The following DENND5B variants were observed in gnomAD, a reference collection of about 807,000 sequenced individuals.
DENND5B encodes DENN domain-containing protein 5B.
DENND5B carries 34 observed loss-of-function variants against 140.6 expected under a neutral mutation model. The observed-to-expected ratio is 0.24, with a 90% confidence interval of 0.18 to 0.32. The LOEUF (loss-of-function observed/expected upper bound fraction) is 0.32. Among genes scored for constraint, DENND5B ranks in the 10% least tolerant of loss-of-function variants. The probability of loss-of-function intolerance (pLI) is 1.00; values close to 1 mark genes in which losing one functional copy is unlikely to be tolerated. For synonymous variants in DENND5B, 551 were observed against 562.1 expected (o/e 0.98, Z 0.28); for missense variants, 1,142 against 1,560.2 (o/e 0.73, Z 4.52).
chr12:31,428,272 G>A (rs1943338033), intron 8 of DENND5B, among the ~76,000 whole-genome samples: 1 of 151,434 alleles, frequency 6.6e-6, no homozygotes, highest in Non-Finnish European at 1.5e-5. Context: ...AACCTGGGAG[G>A]CGGACGTTGC....
chr12:31,397,605 T>C (rs968324125), intron 17 of DENND5B, among the ~76,000 whole-genome samples: 3 of 133,042 alleles, frequency 2.3e-5, no homozygotes, highest in Admixed American at 1.5e-4. Flanking sequence ...AGTACTGTAA[T>C]ATATAACTAT....
chr12:31,517,933 T>A (rs1238613851), intron 1 of DENND5B, among the ~76,000 whole-genome samples: 1 of 152,250 alleles, frequency 6.6e-6, no homozygotes, highest in Admixed American at 6.5e-5. Flanking sequence ...CCTGCAGCTA[T>A]GTACTCTTGC....
intron 1 of DENND5B, among the ~76,000 whole-genome samples, chr12:31,551,497 G>A (rs1361755019): frequency 2.6e-5 from 4 of 152,316 alleles, no homozygotes; most frequent in Middle Eastern, 6.8e-3. Context: ...CAGGTAGCGT[G>A]ATGCCTCCAG....
chr12:31,570,317 C>T (rs532697869), intron 1 of DENND5B, among the ~76,000 whole-genome samples: 2 of 150,212 alleles, frequency 1.3e-5, no homozygotes, highest in Non-Finnish European at 3.0e-5. Context: ...CACTCTGTTG[C>T]CCAGGCTGGA....
At position 31,460,296 on chromosome 12, in the gene DENND5B, T is replaced by G; in HGVS notation, c.990A>C (p.Leu330=). The change falls in exon 4 of 21, where the codon CTA becomes CTC. Residue 330 remains leucine, a synonymous_variant. Transcript: ENST00000389082. ...FQWQHVYVPI[L]PASLLHFLDA... ...CAAGAAAATGTAGCAGAGAAGCAGG[T>G]AGAATGGGCACATAAACATGTTGCC... 6.2e-7 allele frequency: 1 copy of G among 1,613,900 alleles called. No homozygotes were observed. The highest frequency in any genetic ancestry group is 8.5e-7 in the Non-Finnish European group (1 of 1,179,876).
rs1042217796 is a variant in DENND5B at position 31,399,569 on chromosome 12, G to T, written c.3068+85C>A. 78 of 1,118,190 alleles carry T rather than the reference G, an allele frequency of 7.0e-5. No homozygotes were observed. The African/African-American group carries it at 1.0e-3, about 15-fold the overall frequency. The allele number at this position is 1,118,190 out of a possible 1,614,324, so 69.3% of individuals were successfully genotyped here. ...GCTGGGATTATAGGTGTGAGCCACT[G>T]TGCCTGGCCTACAATTCTTAAACCT... is the stretch of plus-strand genomic sequence containing the variant. On this transcript the variant is annotated intron_variant, in intron 16 of 20. Transcript: ENST00000389082.
At chr12:31,554,587 T>C (rs1210317337) in intron 1 of DENND5B, among the ~76,000 whole-genome samples, 3 of 152,206 alleles carry the variant, frequency 2.0e-5, no homozygotes, top group African/African-American at 7.2e-5. Flanking sequence ...TCCTCTGTAT[T>C]TCCTGAATTT....
At chr12:31,400,846 T>G (rs541292117) in intron 15 of DENND5B, among the ~76,000 whole-genome samples, 26 of 24,582 alleles carry the variant, frequency 1.1e-3, no homozygotes, top group East Asian at 0.013. Flanking sequence ...AGTTTTTTTT[T>G]TTTGTTTTTT....
chr12:31,451,845 T>A, intron 5 of DENND5B, 95 bp downstream of exon 5: 1 of 1,398,224 alleles, frequency 7.2e-7, no homozygotes, highest in Non-Finnish European at 9.7e-7. Flanking sequence ...AATATATGGG[T>A]AAGCATAGGC....
chr12:31,425,001 T>C (rs1286669088), intron 9 of DENND5B, among the ~76,000 whole-genome samples: 3 of 152,180 alleles, frequency 2.0e-5, no homozygotes, highest in Non-Finnish European at 4.4e-5. Flanking sequence ...TATTGGGGAA[T>C]TACAGCAGAC....
Position 31,479,951 on chromosome 12 carries a change from A to G in DENND5B, c.542T>C (p.Ile181Thr). The change falls in exon 3 of 21, where the codon ATT (isoleucine) becomes ACT (threonine). Residue 181 changes from isoleucine to threonine, a missense_variant. Ile to Thr is a moderately conservative substitution (Grantham distance 89). Around this residue, in one of 5 missense-constraint regions of DENND5B, gnomAD observed 708 missense variants for 905.5 expected, o/e 0.78. Coordinates refer to ENST00000389082, the MANE Select transcript of DENND5B (RefSeq NM_144973.4). Reference protein sequence around the residue: ...LKLQRYNSYDISRDTLYVSKS... With the variant: ...LKLQRYNSYDTSRDTLYVSKS... ...TGAAACATACAGGGTGTCTCTGCTAATATCATAGGAGTTGTATCGCTGGAG... is the reference window on the plus strand; with the variant it reads ...TGAAACATACAGGGTGTCTCTGCTAGTATCATAGGAGTTGTATCGCTGGAG... 4 of 1,614,040 alleles carry G rather than the reference A, an allele frequency of 2.5e-6. No individual in the cohort carries two copies. The highest frequency in any genetic ancestry group is 3.4e-6 in the Non-Finnish European group (4 of 1,179,882).
chr12:31,486,208 C>T lies in DENND5B; in HGVS notation c.238-5953G>A, dbSNP rs144900211. 1.2e-4 allele frequency among the ~76,000 whole-genome samples: 18 copies of T among 152,250 alleles called. No homozygotes were observed. In the East Asian group the frequency reaches 3.1e-3, roughly 26 times the overall value. ...CAGGCTCTGCCCTCATGAAAGGATT[C>T]GTCCTTCTTATAAAAGGTTGAAGGG... On this transcript the variant is annotated intron_variant, in intron 2 of 20. Transcript: ENST00000389082.
chr12:31,448,603 G>A (rs1944375539), intron 5 of DENND5B, among the ~76,000 whole-genome samples: 1 of 152,200 alleles, frequency 6.6e-6, no homozygotes, highest in African/African-American at 2.4e-5. Context: ...TTAAGTGAAT[G>A]CTTTTCTAGA....
At chr12:31,427,040 AG>A (rs1943270266) in intron 8 of DENND5B, among the ~76,000 whole-genome samples, 1 of 152,110 alleles carries the variant, frequency 6.6e-6, no homozygotes, top group Non-Finnish European at 1.5e-5. Flanking sequence ...CCTCCCCAAA[AG>A]GCTATAGGAT....
At chr12:31,424,503 G>A (rs372761592) in intron 10 of DENND5B, 32 bp downstream of exon 10, 1 of 1,584,854 alleles carries the variant, frequency 6.3e-7, no homozygotes, top group Non-Finnish European at 8.6e-7. Context: ...CTCTTAACTG[G>A]CCATGTCACC....
intron 1 of DENND5B, among the ~76,000 whole-genome samples, chr12:31,501,191 T>C (rs1398839797): frequency 3.3e-5 from 5 of 152,128 alleles, no homozygotes; most frequent in Non-Finnish European, 7.3e-5. Flanking sequence ...AATTATGGGG[T>C]TGGTTACCTC....
Position 31,590,950 on chromosome 12 carries a change from CCCA to C in DENND5B, c.-121_-119del. On this transcript the variant is annotated 5_prime_UTR_variant, in exon 1 of 21. An upstream start codon of the reference 5' UTR is lost. Coordinates refer to ENST00000389082, the MANE Select transcript of DENND5B (RefSeq NM_144973.4). ...CCCGCCCTAGGGCGACACTGGCGCG[CCCA>C]TGGCCGCGCAGCCGCCTCTCGCCGC... 1 of 1,077,562 alleles carries C rather than the reference CCCA, an allele frequency of 9.3e-7. No homozygotes were observed. Among genetic ancestry groups the C allele is most frequent in the Non-Finnish European group, 1.1e-6 (1 of 881,838 alleles). 66.8% of individuals were successfully genotyped at this position (1,077,562 alleles called of 1,614,324 possible). A position where few individuals can be genotyped will look rare whatever the true frequency, so the allele number is the denominator to read the frequency against.
chr12:31,461,639 T>C (rs1945025263), intron 3 of DENND5B, among the ~76,000 whole-genome samples: 3 of 152,204 alleles, frequency 2.0e-5, no homozygotes, highest in Non-Finnish European at 2.9e-5. Flanking sequence ...GCAAACCATA[T>C]ATGTCCCAGT....
intron 7 of DENND5B, among the ~76,000 whole-genome samples, chr12:31,437,776 A>G (rs1482655522): frequency 1.3e-5 from 2 of 152,216 alleles, no homozygotes; most frequent in Non-Finnish European, 2.9e-5. Flanking sequence ...CAAATTTCTA[A>G]TAATATGAGA....
Sources: allele counts gnomAD v4.1 joint callset (sites outside exome capture counted in the v4.1 genomes callset), GRCh38; gene constraint gnomAD v4.1.1; regional missense constraint gnomAD v4.1.1; transcripts MANE v1.5; gene names NCBI Gene and HGNC (gene_info 2026-07-23, HGNC 2026-07-21).